The following TMEM178B variants were observed in gnomAD, a reference collection of about 807,000 sequenced individuals.
TMEM178B encodes transmembrane protein 178B.
Under a neutral mutation model 31.0 loss-of-function variants are expected in TMEM178B, and 5 were observed. The ratio of observed to expected loss-of-function variants is 0.16; its 90% CI spans 0.08 to 0.34. The LOEUF (loss-of-function observed/expected upper bound fraction) is 0.34, where lower values mean the gene tolerates loss of function less well. TMEM178B is among the 10% of genes least tolerant of loss of function. TMEM178B has a pLI of 1.00. For missense variants in TMEM178B, 275 were observed against 400.3 expected (o/e 0.69, Z 2.67); for synonymous variants, 164 against 164.0 (o/e 1.00, Z 0.00).
intron 2 of TMEM178B, among the ~76,000 whole-genome samples, chr7:141,279,534 A>G (rs1208999508): frequency 6.6e-6 from 1 of 152,110 alleles, no homozygotes; most frequent in Non-Finnish European, 1.5e-5. Context: ...GGATGGGGAG[A>G]GCAAATGCTG....
At position 141,393,547 on chromosome 7, in the gene TMEM178B, A is replaced by G. The variant is rs549767097; in HGVS notation, c.497-44061A>G. 2.6e-5 allele frequency among the ~76,000 whole-genome samples: 4 copies of G among 152,346 alleles called. No homozygotes were observed. The East Asian group carries it at 7.7e-4, about 29-fold the overall frequency. On this transcript the variant is annotated intron_variant, in intron 2 of 3. Coordinates refer to ENST00000565468, the MANE Select transcript of TMEM178B (RefSeq NM_001195278.2). ...GGAAGATTTCTATCTTCTGGACACC[A>G]TGAGATCAGAGCTCAGTGCTCTTCA... is the stretch of plus-strand genomic sequence containing the variant.
chr7:141,093,873 T>C (rs980950367), intron 1 of TMEM178B, among the ~76,000 whole-genome samples: 32 of 152,080 alleles, frequency 2.1e-4, no homozygotes, highest in African/African-American at 7.2e-4. Context: ...TTGATTTCAG[T>C]GTTGGGGGTA....
At chr7:141,294,815 A>G in intron 2 of TMEM178B, among the ~76,000 whole-genome samples, 1 of 152,212 alleles carries the variant, frequency 6.6e-6, no homozygotes, top group East Asian at 1.9e-4. Context: ...ATAGAATATA[A>G]TAGAGAATCT....
chr7:141,209,589 G>A (rs1797018410), intron 1 of TMEM178B, among the ~76,000 whole-genome samples: 1 of 152,206 alleles, frequency 6.6e-6, no homozygotes, highest in South Asian at 2.1e-4. Flanking sequence ...GAATGAATAA[G>A]ACAACATCCC....
chr7:141,343,577 A>G (rs531551336), intron 2 of TMEM178B, among the ~76,000 whole-genome samples: 1 of 120,148 alleles, frequency 8.3e-6, no homozygotes, highest in African/African-American at 3.4e-5. Flanking sequence ...TCTGTCTCCC[A>G]GGCTGGAGTG....
intron 2 of TMEM178B, among the ~76,000 whole-genome samples, chr7:141,243,957 G>A (rs778893515): frequency 2.0e-5 from 3 of 152,098 alleles, no homozygotes; most frequent in African/African-American, 2.4e-5. Flanking sequence ...CCCTCATGAC[G>A]GTCCAGTATT....
chr7:141,221,810 T>C (rs1199314960), intron 2 of TMEM178B, among the ~76,000 whole-genome samples: 2 of 152,282 alleles, frequency 1.3e-5, no homozygotes, highest in East Asian at 3.9e-4. Flanking sequence ...CAAGTTCATG[T>C]TGTGTGATGA....
At chr7:141,414,512 G>GCAAT (rs3067355) in intron 2 of TMEM178B, 45,465 of 152,202 alleles carry the variant, frequency 0.3, 7,028 homozygotes, top group Non-Finnish European at 0.33. Context: ...TTTAATGTCT[G>GCAAT]CAATATGCTT....
At chr7:141,099,411 A>C (rs1363311192) in intron 1 of TMEM178B, among the ~76,000 whole-genome samples, 3 of 152,226 alleles carry the variant, frequency 2.0e-5, no homozygotes, top group Non-Finnish European at 2.9e-5. Context: ...GCTACTTTTG[A>C]AAACTTTCTT....
chr7:141,503,703 G>T, the TMEM178B span, among the ~76,000 whole-genome samples: 1 of 152,118 alleles, frequency 6.6e-6, no homozygotes, highest in Non-Finnish European at 1.5e-5. Context: ...CAACTATAGG[G>T]AATAAAATAT....
rs547698113 is a variant in TMEM178B, at chr7:141,146,294, A to G, written c.383-66297A>G. Among the ~76,000 whole-genome samples, 6 of 152,318 alleles carry G rather than the reference A, an allele frequency of 3.9e-5. No individual in the cohort carries two copies. The East Asian group carries it at 1.2e-3, about 29-fold the overall frequency. On this transcript the variant is annotated intron_variant, in intron 1 of 3. Transcript: ENST00000565468. ...CCCAGAGGGCCTGTTACTTCCTTCT[A>G]TTCCATGCTGCTTTCCTGGAGGAAG...
chr7:141,232,671 CAT>C (rs1337515759), intron 2 of TMEM178B, among the ~76,000 whole-genome samples: 1 of 152,150 alleles, frequency 6.6e-6, no homozygotes, highest in Non-Finnish European at 1.5e-5. Context: ...CCAATAAACC[CAT>C]GTAACCTTAG....
At chr7:141,486,429 C>G in the TMEM178B span, among the ~76,000 whole-genome samples, 1 of 152,198 alleles carries the variant, frequency 6.6e-6, no homozygotes, top group Non-Finnish European at 1.5e-5. Flanking sequence ...CTTCAGGACC[C>G]TGTCTGCCCC....
chr7:141,356,169 G>A (rs984377924), intron 2 of TMEM178B, among the ~76,000 whole-genome samples: 5 of 152,160 alleles, frequency 3.3e-5, no homozygotes. Context: ...GAATAGTGCT[G>A]TGATGAACAT....
chr7:141,270,749 T>C (rs1024157834), intron 2 of TMEM178B, among the ~76,000 whole-genome samples: 1 of 152,250 alleles, frequency 6.6e-6, no homozygotes, highest in Non-Finnish European at 1.5e-5. Context: ...CGCTGCTAAA[T>C]GTTGTCATGT....
At chr7:141,292,689 G>A (rs1018808876) in intron 2 of TMEM178B, among the ~76,000 whole-genome samples, 3 of 146,488 alleles carry the variant, frequency 2.0e-5, no homozygotes, top group African/African-American at 7.7e-5. Context: ...CCAGGCTGGA[G>A]CACACTGGTG....
intron 2 of TMEM178B, among the ~76,000 whole-genome samples, chr7:141,377,393 G>A (rs529338854): frequency 1.5e-3 from 234 of 151,790 alleles, no homozygotes; most frequent in Non-Finnish European, 2.4e-3. Context: ...CACGTTGGCC[G>A]GCTGATCTTG....
chr7:141,208,255 C>G (rs1353604224), intron 1 of TMEM178B, among the ~76,000 whole-genome samples: 1 of 152,012 alleles, frequency 6.6e-6, no homozygotes, highest in Non-Finnish European at 1.5e-5. Context: ...AGGAGCCACC[C>G]CTGGGATCTC....
At chr7:141,407,427 G>A (rs1222081404) in intron 2 of TMEM178B, among the ~76,000 whole-genome samples, 1 of 152,244 alleles carries the variant, frequency 6.6e-6, no homozygotes, top group Non-Finnish European at 1.5e-5. Context: ...GCTCCTGGAT[G>A]TGCTTTTCCC....
Sources: allele counts gnomAD v4.1 joint callset (sites outside exome capture counted in the v4.1 genomes callset), GRCh38; gene constraint gnomAD v4.1.1; transcripts MANE v1.5; gene names NCBI Gene and HGNC (gene_info 2026-07-23, HGNC 2026-07-21).